The following NEK11 variants were observed in gnomAD, a reference collection of about 807,000 sequenced individuals.
The protein encoded by NEK11 is serine/threonine-protein kinase Nek11.
Under a neutral mutation model 80.7 loss-of-function variants are expected in NEK11, and 72 were observed. The observed-to-expected ratio is 0.89, with a 90% CI of 0.74 to 1.08. The LOEUF is 1.08. Among genes scored for constraint, NEK11 ranks in the 50% least tolerant of loss-of-function variants. The pLI is 0.00. For missense variants in NEK11, 764 were observed against 763.6 expected (o/e 1.00, Z -0.01); for synonymous variants, 251 against 260.7 (o/e 0.96, Z 0.36).
intron 14 of NEK11, among the ~76,000 whole-genome samples, chr3:131,199,133 A>T (rs2094137346): frequency 6.6e-6 from 1 of 152,210 alleles, no homozygotes. Context: ...TCTATATAGC[A>T]AAAGACATAA....
intron 9 of NEK11, among the ~76,000 whole-genome samples, chr3:131,153,947 C>T (rs376180311): frequency 6.6e-6 from 1 of 152,098 alleles, no homozygotes; most frequent in Non-Finnish European, 1.5e-5. Context: ...TACCAGTGAG[C>T]CAATGGGAAG....
intron 3 of NEK11, among the ~76,000 whole-genome samples, chr3:131,034,068 T>C (rs1012902517): frequency 3.9e-5 from 6 of 152,204 alleles, no homozygotes; most frequent in African/African-American, 1.4e-4. Flanking sequence ...TATAGTATTG[T>C]TAAATTGTCA....
chr3:131,286,549 G>A (rs2096472739), intron 17 of NEK11, among the ~76,000 whole-genome samples: 1 of 152,112 alleles, frequency 6.6e-6, no homozygotes, highest in Non-Finnish European at 1.5e-5. Context: ...TGTTCCTATA[G>A]TATTTTGAAA....
chr3:131,253,073 C>T (rs1311083542), intron 16 of NEK11, among the ~76,000 whole-genome samples: 1 of 152,048 alleles, frequency 6.6e-6, no homozygotes, highest in Non-Finnish European at 1.5e-5. Flanking sequence ...TCTGCCTGAT[C>T]CTCAGCATCC....
intron 17 of NEK11, among the ~76,000 whole-genome samples, chr3:131,288,450 C>CT (rs71133693): frequency 6.1e-5 from 7 of 115,382 alleles, no homozygotes; most frequent in Non-Finnish European, 1.1e-4. Context: ...TTCTTTCTTT[C>CT]TTTTTTTTTT....
chr3:131,205,234 A>G (rs576327905), intron 14 of NEK11, among the ~76,000 whole-genome samples: 1 of 152,332 alleles, frequency 6.6e-6, no homozygotes, highest in Non-Finnish European at 1.5e-5. Flanking sequence ...TTGAAATTTA[A>G]ATGGTAAATA....
intron 14 of NEK11, among the ~76,000 whole-genome samples, chr3:131,192,544 A>G (rs76441087): frequency 0.016 from 2,513 of 152,338 alleles, 65 homozygotes; most frequent in African/African-American, 0.058. Context: ...TCAAATGTCC[A>G]TTGATGGATG....
At chr3:131,326,223 T>C (rs1374931643) in intron 17 of NEK11, 1 of 152,216 alleles carries the variant, frequency 6.6e-6, no homozygotes, top group African/African-American at 2.4e-5. Flanking sequence ...GATTTGCTCT[T>C]GGCTGCAGCT....
chr3:131,253,539 T>G (rs2095748513), intron 16 of NEK11, among the ~76,000 whole-genome samples: 1 of 152,174 alleles, frequency 6.6e-6, no homozygotes, highest in African/African-American at 2.4e-5. Flanking sequence ...TGATTTCCTT[T>G]CCTCTTCTTC....
intron 14 of NEK11, among the ~76,000 whole-genome samples, chr3:131,176,209 G>C (rs548925522): frequency 6.6e-6 from 1 of 152,294 alleles, no homozygotes; most frequent in African/African-American, 2.4e-5. Flanking sequence ...ACAACAAAAG[G>C]TGATAGCTCA....
At chr3:131,337,163 C>T (rs1408699278) in intron 17 of NEK11, among the ~76,000 whole-genome samples, 4 of 152,166 alleles carry the variant, frequency 2.6e-5, no homozygotes, top group South Asian at 2.1e-4. Context: ...GACACATGCA[C>T]ACGTATGTTT....
intron 14 of NEK11, among the ~76,000 whole-genome samples, chr3:131,218,003 T>C (rs1195618408): frequency 6.6e-6 from 1 of 152,238 alleles, no homozygotes; most frequent in Non-Finnish European, 1.5e-5. Context: ...GGACTCACTT[T>C]AGCAGTGCCA....
chr3:131,175,132 A>T lies in NEK11; in HGVS notation c.1399+4245A>T, dbSNP rs1399621557. On this transcript the variant is annotated intron_variant, in intron 14 of 17. Transcript: ENST00000383366. ...GAAATAAAGTGATTTGAACTTTGCT[A>T]ATTAAATATGTTATGTTTTTATTGT... 3.0e-6 allele frequency: 3 copies of T among 1,015,436 alleles called. No individual in the cohort carries two copies. In the African/African-American group the frequency reaches 5.1e-5, roughly 17 times the overall value. The allele number at this position is 1,015,436 out of a possible 1,614,324, so 62.9% of individuals were successfully genotyped here. A position where few individuals can be genotyped will look rare whatever the true frequency, so the allele number is the denominator to read the frequency against.
At chr3:131,078,413 T>C (rs1339754922) in intron 3 of NEK11, among the ~76,000 whole-genome samples, 1 of 152,224 alleles carries the variant, frequency 6.6e-6, no homozygotes, top group African/African-American at 2.4e-5. Context: ...TCTCAGCTTC[T>C]AGGACAGATT....
At chr3:131,233,374 A>T (rs1047083173) in intron 15 of NEK11, among the ~76,000 whole-genome samples, 1 of 152,162 alleles carries the variant, frequency 6.6e-6, no homozygotes, top group African/African-American at 2.4e-5. Context: ...TCAGATCACT[A>T]GGCTCCTTGC....
intron 17 of NEK11, among the ~76,000 whole-genome samples, chr3:131,282,434 A>G (rs2108832548): frequency 6.6e-6 from 1 of 152,268 alleles, no homozygotes. Flanking sequence ...GCCCTGGTAT[A>G]TTGAATGGCT....
In NEK11 at chr3:131,162,427, C is replaced by A. The variant is rs757299850; in HGVS notation, c.982C>A (p.Gln328Lys). The change falls in exon 11 of 18, where the codon CAG becomes AAG. Residue 328 changes from glutamine (Q) to lysine (K), a missense_variant. Gln to Lys is a moderately conservative substitution (Grantham distance 53, BLOSUM62 1). Coordinates refer to ENST00000383366, the MANE Select transcript of NEK11 (RefSeq NM_024800.5). ...TTATAGGCAAAAAAGGATCCACCTGCAGACTCTGAGGGCACTGTCAGAAGT... is the reference window on the plus strand; with the variant it reads ...TTATAGGCAAAAAAGGATCCACCTGAAGACTCTGAGGGCACTGTCAGAAGT... ...INAMQKRIHL[Q>K]TLRALSEVQK... The A allele has an allele frequency of 2.3e-5, 37 of 1,613,824 alleles. No individual in the cohort carries two copies. Among genetic ancestry groups the A allele is most frequent in the Non-Finnish European group, 3.1e-5 (37 of 1,179,904 alleles).
At chr3:131,047,467 C>T (rs2067585703) in intron 3 of NEK11, among the ~76,000 whole-genome samples, 1 of 152,174 alleles carries the variant, frequency 6.6e-6, no homozygotes, top group Non-Finnish European at 1.5e-5. Context: ...CATGAGGGTG[C>T]TCCCTTGATG....
At chr3:131,317,366 G>T (rs908866462) in intron 17 of NEK11, among the ~76,000 whole-genome samples, 1 of 152,144 alleles carries the variant, frequency 6.6e-6, no homozygotes, top group Non-Finnish European at 1.5e-5. Flanking sequence ...TCCTGGTGCT[G>T]GTTTCAGCAC....
Sources: allele counts gnomAD v4.1 joint callset (sites outside exome capture counted in the v4.1 genomes callset), GRCh38; gene constraint gnomAD v4.1.1; transcripts MANE v1.5; gene names NCBI Gene and HGNC (gene_info 2026-07-23, HGNC 2026-07-21).